NFIC: variants seen among roughly 807,000 people sequenced by gnomAD.
NFIC encodes nuclear factor 1 C-type.
A neutral mutation model predicts 54.4 loss-of-function variants in NFIC; 12 were observed. That is an observed-to-expected ratio of 0.22 (90% confidence interval 0.14 to 0.36). NFIC has a LOEUF of 0.36. NFIC is among the 10% of genes least tolerant of loss of function. The probability of loss-of-function intolerance (pLI) is 1.00; values close to 1 mark genes in which losing one functional copy is unlikely to be tolerated. For missense variants in NFIC, 575 were observed against 718.2 expected (o/e 0.80, Z 2.28); for synonymous variants, 322 against 319.2 (o/e 1.01, Z -0.09).
chr19:3,391,791 C>T (rs546313003), intron 2 of NFIC, among the ~76,000 whole-genome samples: 27 of 150,676 alleles, frequency 1.8e-4, no homozygotes, highest in Non-Finnish European at 2.7e-4. Flanking sequence ...AGTGAGACTC[C>T]GTTTCAAAAA....
upstream of NFIC, among the ~76,000 whole-genome samples, chr19:3,366,041 C>A (rs543390966): frequency 2.6e-5 from 4 of 152,062 alleles, no homozygotes; most frequent in South Asian, 2.1e-4. Context: ...TTCCTTCCCT[C>A]CCCCCTGGCT....
chr19:3,459,045 C>T lies in NFIC; in HGVS notation c.1509+2410C>T, dbSNP rs1001731172. Among the ~76,000 whole-genome samples the T allele has an allele frequency of 2.6e-5, 4 of 152,020 alleles. No individual in the cohort carries two copies. The highest frequency in any genetic ancestry group is 6.5e-5 in the Admixed American group (1 of 15,274). ...AGGGAGGGAAGAAGCAGTGAGATCC[C>T]GCTCTCCCCTCTCCCAGCTCCCGCT... On this transcript the variant is annotated intron_variant, in intron 10 of 10. Transcript: ENST00000443272. This position sits in a 1 kb window ranked among gnomAD's most constrained non-coding sequence, Gnocchi z 4.2.
At position 3,409,617 on chromosome 19, in the gene NFIC, G is replaced by A. The variant is rs555200574; in HGVS notation, c.563-15489G>A. ...GCGGAAGCTTCAGCCAGCGGACGCAGGGAGTTGTCCCTTGCAAAGGGGGTG... is the reference window on the plus strand; with the variant it reads ...GCGGAAGCTTCAGCCAGCGGACGCAAGGAGTTGTCCCTTGCAAAGGGGGTG... On this transcript the variant is annotated intron_variant, in intron 2 of 10. Transcript: ENST00000443272. Among the ~76,000 whole-genome samples the A allele has an allele frequency of 2.0e-5, 3 of 152,310 alleles. No individual in the cohort carries two copies. In the East Asian group the frequency reaches 5.8e-4, roughly 29 times the overall value.
rs869061995 is a variant in NFIC, at chr19:3,430,244, C to CTT, written c.635-3260_635-3259dup. 8.4e-3 allele frequency among the ~76,000 whole-genome samples: 1,208 copies of CTT among 142,974 alleles called. 9 individuals carry two copies. The highest frequency in any genetic ancestry group is 0.018 in the South Asian group (79 of 4,414). The allele number at this position is 142,974 out of a possible 152,430, so 93.8% of individuals were successfully genotyped here. On this transcript the variant is annotated intron_variant, in intron 3 of 10. Coordinates refer to ENST00000443272, the MANE Select transcript of NFIC (RefSeq NM_001245002.2). The stretch of plus-strand genomic sequence containing the variant: ...ACCTCTATCTAATTCCAGAACCTTT[C>CTT]TTTTTTTTTTTTTTTACCCCCAGGC...
chr19:3,452,445 G>T lies in NFIC; in HGVS notation c.1085-37G>T, dbSNP rs772492622. 3 of 1,604,916 alleles carry T rather than the reference G, an allele frequency of 1.9e-6. No homozygotes were observed. The highest frequency in any genetic ancestry group is 2.5e-6 in the Non-Finnish European group (3 of 1,178,262). On this transcript the variant is annotated intron_variant, in intron 7 of 10. Transcript: ENST00000443272. The surrounding 1 kb of genome is among the most constrained non-coding windows in gnomAD (Gnocchi z 5.3). ...ACGGTCACAGAGCAGACCGGCTGGAGCCCCCAAGTAACCCCCGCTTCCCAC... is the reference window on the plus strand; with the variant it reads ...ACGGTCACAGAGCAGACCGGCTGGATCCCCCAAGTAACCCCCGCTTCCCAC...
intron 2 of NFIC, among the ~76,000 whole-genome samples, chr19:3,388,693 T>C (rs890043565): frequency 6.6e-6 from 1 of 151,256 alleles, no homozygotes; most frequent in Admixed American, 6.6e-5. Context: ...CCAGGTGTGG[T>C]GGTGTGTACC....
chr19:3,461,189 T>G (rs2082632809), intron 10 of NFIC, among the ~76,000 whole-genome samples: 1 of 149,562 alleles, frequency 6.7e-6, no homozygotes, highest in African/African-American at 2.5e-5. Context: ...CTCATGTCTG[T>G]AATCCTAGCA....
intron 1 of NFIC, among the ~76,000 whole-genome samples, chr19:3,367,964 G>C (rs2145425586): frequency 6.6e-6 from 1 of 152,328 alleles, no homozygotes; most frequent in South Asian, 2.1e-4. Context: ...GGGAATGTGG[G>C]AGCTGGTGCT....
chr19:3,374,066 A>G (rs919179648), intron 1 of NFIC, among the ~76,000 whole-genome samples: 9 of 152,220 alleles, frequency 5.9e-5, no homozygotes, highest in African/African-American at 1.9e-4. Flanking sequence ...ATTTGGGATA[A>G]GTGCTAAGTA....
intron 2 of NFIC, among the ~76,000 whole-genome samples, chr19:3,405,794 G>A (rs1038195106): frequency 1.3e-5 from 2 of 151,914 alleles, no homozygotes; most frequent in African/African-American, 4.8e-5. Context: ...TAGAGACAGG[G>A]GTCTCACCAT....
chr19:3,366,981 A>C (rs1599548601), intron 1 of NFIC, among the ~76,000 whole-genome samples: 7 of 124,732 alleles, frequency 5.6e-5, no homozygotes, highest in Admixed American at 7.5e-5. Flanking sequence ...ACACCGACGC[A>C]CTCCGCACCC....
intron 1 of NFIC, among the ~76,000 whole-genome samples, chr19:3,376,428 CAAAAAAAAAAAAAAAAAA>C (rs35724239): frequency 1.5e-4 from 7 of 48,170 alleles, no homozygotes; most frequent in Admixed American, 3.4e-4. Flanking sequence ...GACACTGTCT[CAAAAAAAAAAAAAAAAAA>C]AAAAAAAAAA....
upstream of NFIC, among the ~76,000 whole-genome samples, chr19:3,364,900 A>G (rs1568393194): frequency 6.6e-6 from 1 of 152,126 alleles, no homozygotes. Flanking sequence ...TTCACGTTAT[A>G]TTGGTATGTG....
chr19:3,409,131 G>GC (rs1461201415), intron 2 of NFIC, among the ~76,000 whole-genome samples: 12 of 152,026 alleles, frequency 7.9e-5, no homozygotes, highest in Non-Finnish European at 1.6e-4. Flanking sequence ...AACACACAAG[G>GC]CCCCGAATGG....
chr19:3,454,034 T>C, intron 9 of NFIC, 118 bp downstream of exon 9: 2 of 1,384,392 alleles, frequency 1.4e-6, no homozygotes, highest in Non-Finnish European at 1.9e-6. Context: ...CTGGCGAGTT[T>C]GGTGGGTCTC....
chr19:3,427,684 G>C (rs182165738), intron 3 of NFIC, among the ~76,000 whole-genome samples: 1 of 151,150 alleles, frequency 6.6e-6, no homozygotes, highest in Non-Finnish European at 1.5e-5. Context: ...AAAATTAGTC[G>C]GGCATGTTGG....
intron 2 of NFIC, among the ~76,000 whole-genome samples, chr19:3,404,395 C>T (rs943277360): frequency 2.0e-5 from 3 of 152,034 alleles, no homozygotes; most frequent in African/African-American, 2.4e-5. Flanking sequence ...TGGCTGGTGC[C>T]GAGTGGCAGA....
upstream of NFIC, among the ~76,000 whole-genome samples, chr19:3,364,379 G>C (rs2080855422): frequency 6.6e-6 from 1 of 152,156 alleles, no homozygotes; most frequent in Non-Finnish European, 1.5e-5. Flanking sequence ...CAGAGGGAGA[G>C]CCGAGGTGCA....
At chr19:3,367,809 C>T (rs2080924503) in intron 1 of NFIC, among the ~76,000 whole-genome samples, 1 of 152,120 alleles carries the variant, frequency 6.6e-6, no homozygotes, top group Non-Finnish European at 1.5e-5. Context: ...GCGATTCCAG[C>T]GAGGGCCAGG....
Sources: gnomAD v4.1 joint callset for allele counts (sites outside exome capture counted in the v4.1 genomes callset) on GRCh38, gnomAD v4.1.1 for gene constraint, Gnocchi (gnomAD v3.1) non-coding constraint, MANE v1.5 for transcripts, NCBI Gene and HGNC (gene_info 2026-07-23, HGNC 2026-07-21) for gene names.